The following KCNIP4 variants were observed in gnomAD, a reference collection of about 807,000 sequenced individuals.
KCNIP4 encodes the protein potassium voltage-gated channel interacting protein 4.
Under a neutral mutation model 34.0 loss-of-function variants are expected in KCNIP4, and 12 were observed. That is an observed-to-expected ratio of 0.35 (90% CI 0.23 to 0.57). The LOEUF (loss-of-function observed/expected upper bound fraction) is 0.57. KCNIP4 is among the 20% of genes least tolerant of loss of function. The pLI, the probability that KCNIP4 is intolerant of heterozygous loss-of-function variation, is 0.83. For synonymous variants in KCNIP4, 124 were observed against 102.2 expected, an observed-to-expected ratio of 1.21 and a Z score of -1.29; for missense variants, 238 against 311.7, an observed-to-expected ratio of 0.76 and a Z score of 1.78.
rs574786570 is a variant in KCNIP4 at position 21,577,209 on chromosome 4, C to G, written c.61+371362G>C. 2.0e-5 allele frequency among the ~76,000 whole-genome samples: 3 copies of G among 152,286 alleles called. No individual in the cohort carries two copies. In the East Asian group the frequency reaches 5.8e-4, roughly 29 times the overall value. ...CTTCAGCCTAAGGAGTTTCCCCTGT[C>G]TGAAAAACCCTTGACTCTAACTGGA... On this transcript the variant is annotated intron_variant, in intron 1 of 8. Coordinates refer to ENST00000382152, the MANE Select transcript of KCNIP4 (RefSeq NM_025221.6).
intron 1 of KCNIP4, among the ~76,000 whole-genome samples, chr4:21,859,676 A>G (rs537077430): frequency 6.6e-6 from 1 of 152,216 alleles, no homozygotes; most frequent in South Asian, 2.1e-4. Flanking sequence ...AATCATGTCA[A>G]ATGGTCTACT....
chr4:20,819,140 G>C (rs193082475), intron 3 of KCNIP4, among the ~76,000 whole-genome samples: 1 of 151,934 alleles, frequency 6.6e-6, no homozygotes, highest in Non-Finnish European at 1.5e-5. Flanking sequence ...GATTACAGGC[G>C]TGAGCCACAG....
In KCNIP4 at chr4:21,771,907, C is replaced by G. The variant is rs143741910; in HGVS notation, c.61+176664G>C. 4.0e-3 allele frequency among the ~76,000 whole-genome samples: 601 copies of G among 152,002 alleles called. 4 individuals carry two copies. Among genetic ancestry groups the G allele is most frequent in the African/African-American group, 0.014 (570 of 41,414 alleles). ...ACCTCTTCTCTTCCTATTTGAATACCCTTTAATTCTTTTTCTTGCCTAATT... is the reference window on the plus strand; with the variant it reads ...ACCTCTTCTCTTCCTATTTGAATACGCTTTAATTCTTTTTCTTGCCTAATT... On this transcript the variant is annotated intron_variant, in intron 1 of 8. Transcript: ENST00000382152.
At chr4:21,594,883 T>C (rs1742508434) in intron 1 of KCNIP4, among the ~76,000 whole-genome samples, 1 of 152,062 alleles carries the variant, frequency 6.6e-6, no homozygotes, top group Admixed American at 6.6e-5. Flanking sequence ...TTTGGCACAT[T>C]CCATTTGGAA....
chr4:21,763,516 C>G (rs979990527), intron 1 of KCNIP4, among the ~76,000 whole-genome samples: 1 of 152,060 alleles, frequency 6.6e-6, no homozygotes, highest in East Asian at 1.9e-4. Flanking sequence ...AAAGCCTTAG[C>G]TAGTATTAAA....
chr4:20,842,867 C>CAAGAGGTT (rs975441972), intron 3 of KCNIP4, among the ~76,000 whole-genome samples: 23 of 150,968 alleles, frequency 1.5e-4, no homozygotes, highest in Admixed American at 5.3e-4. Context: ...TAATTAGAAA[C>CAAGAGGTT]AAGAGGTTCT....
intron 1 of KCNIP4, among the ~76,000 whole-genome samples, chr4:20,974,947 T>C (rs1735337751): frequency 6.6e-6 from 1 of 152,202 alleles, no homozygotes; most frequent in Non-Finnish European, 1.5e-5. Context: ...ATACCCAATA[T>C]TTATTGAGCT....
intron 1 of KCNIP4, among the ~76,000 whole-genome samples, chr4:21,519,785 A>ATGTATGTGTGTATACACACGTGTGTATG (rs1560481346): frequency 7.8e-6 from 1 of 128,578 alleles, no homozygotes; most frequent in South Asian, 2.6e-4. Context: ...ACGTGTGTGT[A>ATGTATGTGTGTATACACACGTGTGTATG]TGTGTGTGTA....
intron 1 of KCNIP4, among the ~76,000 whole-genome samples, chr4:21,257,889 C>T (rs1274190431): frequency 6.6e-6 from 1 of 152,126 alleles, no homozygotes; most frequent in Non-Finnish European, 1.5e-5. Context: ...CAGACATAGC[C>T]ATAAGAAAGA....
intron 1 of KCNIP4, among the ~76,000 whole-genome samples, chr4:20,910,190 C>T (rs184353614): frequency 8.5e-5 from 13 of 152,128 alleles, no homozygotes; most frequent in Admixed American, 7.9e-4. Flanking sequence ...TACTGGCTCA[C>T]CTCACTTTAG....
At chr4:20,990,190 C>G (rs181248862) in intron 1 of KCNIP4, among the ~76,000 whole-genome samples, 4 of 152,242 alleles carry the variant, frequency 2.6e-5, no homozygotes, top group Admixed American at 2.6e-4. Context: ...CCGCAGGTGC[C>G]CTCTACTCTA....
At chr4:20,937,722 G>A (rs1560584512) in intron 1 of KCNIP4, among the ~76,000 whole-genome samples, 1 of 152,128 alleles carries the variant, frequency 6.6e-6, no homozygotes, top group East Asian at 1.9e-4. Context: ...CCAACTTTAA[G>A]TAAAAATTAG....
intron 1 of KCNIP4, among the ~76,000 whole-genome samples, chr4:21,624,052 C>T (rs995529768): frequency 8.5e-5 from 13 of 152,144 alleles, no homozygotes; most frequent in African/African-American, 2.9e-4. Flanking sequence ...CTCCAGGCAG[C>T]AATTAGCCCT....
At chr4:21,360,164 C>A (rs1719065888) in intron 1 of KCNIP4, among the ~76,000 whole-genome samples, 1 of 151,890 alleles carries the variant, frequency 6.6e-6, no homozygotes, top group South Asian at 2.1e-4. Context: ...ATAGACATGA[C>A]CTTGTACTTA....
At chr4:21,823,178 CA>C (rs1722472027) in intron 1 of KCNIP4, among the ~76,000 whole-genome samples, 1 of 152,046 alleles carries the variant, frequency 6.6e-6, no homozygotes. Context: ...TCACAATGTT[CA>C]AACTTGATTA....
chr4:21,742,032 A>G (rs182420342), intron 1 of KCNIP4, among the ~76,000 whole-genome samples: 170 of 152,256 alleles, frequency 1.1e-3, no homozygotes, highest in Non-Finnish European at 2.0e-3. Flanking sequence ...GCGAGACTCC[A>G]TCTCAAAATA....
intron 1 of KCNIP4, among the ~76,000 whole-genome samples, chr4:21,826,079 T>C (rs1314890315): frequency 1.3e-5 from 2 of 152,108 alleles, no homozygotes; most frequent in South Asian, 2.1e-4. Context: ...ACATGGCTGA[T>C]ACCTAGCGAG....
intron 3 of KCNIP4, among the ~76,000 whole-genome samples, chr4:20,827,466 G>C (rs1434832197): frequency 1.3e-5 from 2 of 152,092 alleles, no homozygotes; most frequent in Non-Finnish European, 2.9e-5. Flanking sequence ...TACCAGATTA[G>C]ATCTCATCCT....
intron 1 of KCNIP4, among the ~76,000 whole-genome samples, chr4:21,874,108 G>T (rs1725964438): frequency 6.6e-6 from 1 of 152,178 alleles, no homozygotes; most frequent in South Asian, 2.1e-4. Flanking sequence ...GTTATTCGAA[G>T]GGGGCACTTA....
Sources: allele counts gnomAD v4.1 joint callset (sites outside exome capture counted in the v4.1 genomes callset), GRCh38; gene constraint gnomAD v4.1.1; transcripts MANE v1.5; gene names NCBI Gene and HGNC (gene_info 2026-07-23, HGNC 2026-07-21).